Variants in C9orf78 observed in about 807,000 individuals in gnomAD.
The protein encoded by C9orf78 is chromosome 9 open reading frame 78.
C9orf78 carries 19 observed loss-of-function variants against 37.4 expected under a neutral mutation model. That is an observed-to-expected ratio of 0.51 (90% CI 0.35 to 0.74). The LOEUF (loss-of-function observed/expected upper bound fraction) is 0.74. Ranked by LOEUF, C9orf78 falls within the 30% of genes least tolerant of loss-of-function variation. C9orf78 has a pLI of 0.01. For missense variants in C9orf78, 291 were observed against 370.8 expected, an observed-to-expected ratio of 0.78 and a Z score of 1.77; for synonymous variants, 130 against 128.0, an observed-to-expected ratio of 1.02 and a Z score of -0.10.
chr9:129,831,787 C>T lies in C9orf78; in HGVS notation c.344+109G>A, dbSNP rs2031504020. 4.0e-6 allele frequency: 3 copies of T among 748,454 alleles called. No individual in the cohort carries two copies. In the Admixed American group the frequency reaches 5.4e-5, roughly 13 times the overall value. 46.4% of individuals were successfully genotyped at this position (748,454 alleles called of 1,614,324 possible). On this transcript the variant is annotated intron_variant, in intron 5 of 8. Coordinates refer to ENST00000372447, the MANE Select transcript of C9orf78 (RefSeq NM_016520.3). ...TGGGAAGTAGAAAGAGAGGGGCCAA[C>T]TTTGACATCTTCTAGAAAATTCTAG...
chr9:129,833,214 G>A (rs1355472670), intron 4 of C9orf78, among the ~76,000 whole-genome samples: 1 of 151,480 alleles, frequency 6.6e-6, no homozygotes, highest in East Asian at 1.9e-4. Flanking sequence ...ATAGGCATGA[G>A]TCATCACGCC....
Position 129,828,054 on chromosome 9 carries a change from A to G in C9orf78, c.*107T>C. The G allele has an allele frequency of 1.6e-6, 1 of 630,420 alleles. No individual in the cohort carries two copies. The highest frequency in any genetic ancestry group is 1.5e-5 in the South Asian group (1 of 68,754). The allele number at this position is 630,420 out of a possible 1,614,324, so 39.1% of individuals were successfully genotyped here. ...GTGATCCGCCCACCTCGGCCTCCCA[A>G]AGTGCTGGGATTACAGGCAGGAGCC... On this transcript the variant is annotated 3_prime_UTR_variant, in exon 9 of 9. Coordinates refer to ENST00000372447, the MANE Select transcript of C9orf78 (RefSeq NM_016520.3).
intron 6 of C9orf78, chr9:129,830,084 A>G (rs1326066378): frequency 6.5e-6 from 1 of 152,728 alleles, no homozygotes; most frequent in African/African-American, 2.4e-5. Flanking sequence ...AACTTCTAGC[A>G]ACAACCTGCC....
intron 2 of C9orf78, chr9:129,834,445 T>A (rs145303095): frequency 1.5e-5 from 7 of 462,504 alleles, no homozygotes; most frequent in Non-Finnish European, 2.7e-5. Flanking sequence ...TCGATATGCA[T>A]TTCACAATTA....
intron 4 of C9orf78, among the ~76,000 whole-genome samples, chr9:129,832,495 G>A (rs151267204): frequency 0.012 from 1,822 of 152,274 alleles, 17 homozygotes; most frequent in Middle Eastern, 0.024. Context: ...CTGAAGTGCA[G>A]TGGCGCAATC....
chr9:129,829,564 C>A, intron 6 of C9orf78, 23 bp from the exon 7 acceptor site: 1 of 1,608,358 alleles, frequency 6.2e-7, no homozygotes, highest in Non-Finnish European at 8.5e-7. Flanking sequence ...AGAAACCACA[C>A]CACTTAGAAG....
In C9orf78 at chr9:129,828,313, C is replaced by T. The variant is rs911948884; in HGVS notation, c.779-61G>A. On this transcript the variant is annotated intron_variant, in intron 8 of 8. Coordinates refer to ENST00000372447, the MANE Select transcript of C9orf78 (RefSeq NM_016520.3). ...TGCTGGAACCCACTGCTAGACTTTA[C>T]TCCATGCAGGCAAAGACAACTGCCT... is the stretch of plus-strand genomic sequence containing the variant. 5 of 999,200 alleles carry T rather than the reference C, an allele frequency of 5.0e-6. No individual in the cohort carries two copies. In the African/African-American group the frequency reaches 7.9e-5, roughly 16 times the overall value. The allele number at this position is 999,200 out of a possible 1,614,324, so 61.9% of individuals were successfully genotyped here.
intron 2 of C9orf78, chr9:129,834,103 T>G (rs2031603124): frequency 4.3e-6 from 1 of 234,506 alleles, no homozygotes; most frequent in Non-Finnish European, 8.5e-6. Flanking sequence ...AATAGGGGAT[T>G]TGTTAACAAA....
chr9:129,834,880 A>G, intron 1 of C9orf78, 114 bp from the exon 2 acceptor site: 1 of 839,828 alleles, frequency 1.2e-6, no homozygotes, highest in South Asian at 1.5e-5. Context: ...CTACTGAGCC[A>G]CCAGCACAGT....
Position 129,829,212 on chromosome 9 carries a change from C to T in C9orf78, c.771G>A (p.Glu257=), listed in dbSNP as rs745707856. ...PLRVGDTEKP[E]PERSPPNRKR... ...GGCCTTTGTTGCACTCACGCTCAGG[C>T]TCTGGCTTCTCCGTGTCACCTACTC... The change falls in exon 8 of 9, where the codon GAG becomes GAA. Residue 257 remains glutamate (E), a synonymous_variant. Coordinates refer to ENST00000372447, the MANE Select transcript of C9orf78 (RefSeq NM_016520.3). 5.0e-6 allele frequency: 8 copies of T among 1,612,750 alleles called. No homozygotes were observed. In the East Asian group the frequency reaches 6.7e-5, roughly 13 times the overall value.
intron 1 of C9orf78, 60 bp downstream of exon 1, chr9:129,835,079 G>T (rs1323447155): frequency 3.1e-6 from 4 of 1,292,208 alleles, no homozygotes; most frequent in Non-Finnish European, 4.5e-6. Context: ...CGAGCCGGTG[G>T]TGAGTCCCCC....
At chr9:129,831,853 A>T (rs922571337) in intron 5 of C9orf78, 43 bp downstream of exon 5, 2 of 898,850 alleles carry the variant, frequency 2.2e-6, no homozygotes, top group African/African-American at 3.3e-5. Context: ...CTCTGACTGG[A>T]GTCCAGCCCC....
chr9:129,829,137 A>C (rs765483588), intron 8 of C9orf78, 68 bp downstream of exon 8: 159 of 1,113,318 alleles, frequency 1.4e-4, no homozygotes, highest in Non-Finnish European at 2.0e-4. Flanking sequence ...CCCCCGCTGC[A>C]TCCTGCCTCC....
chr9:129,832,579 C>CTTT (rs1564188453), intron 4 of C9orf78, among the ~76,000 whole-genome samples: 2 of 151,988 alleles, frequency 1.3e-5, no homozygotes, highest in African/African-American at 4.8e-5. Flanking sequence ...GCTGGGATTA[C>CTTT]GGGTGCCCAC....
At chr9:129,833,968 G>C (rs1455105270) in intron 2 of C9orf78, 3 of 461,760 alleles carry the variant, frequency 6.5e-6, no homozygotes, top group Non-Finnish European at 1.2e-5. Context: ...GCATTATCTT[G>C]GCCTGGAAAT....
chr9:129,833,590 C>A (rs760461482), intron 3 of C9orf78, 68 bp downstream of exon 3: 13 of 1,441,904 alleles, frequency 9.0e-6, no homozygotes, highest in Non-Finnish European at 1.2e-5. Flanking sequence ...TTGTGAAGCA[C>A]GCTCACTCAC....
intron 6 of C9orf78, chr9:129,830,480 T>C (rs983074431): frequency 5.9e-5 from 15 of 253,494 alleles, no homozygotes; most frequent in Non-Finnish European, 1.6e-5. Flanking sequence ...TATAGGCTTA[T>C]AGGCATCAGC....
rs2131016740 is a variant in C9orf78 at position 129,833,682 on chromosome 9, C to G, written c.171G>C (p.Lys57Asn). The G allele has an allele frequency of 6.2e-7, 1 of 1,612,240 alleles. No homozygotes were observed. The highest frequency in any genetic ancestry group is 1.3e-5 in the African/African-American group (1 of 74,838). Residue 57 changes from lysine to asparagine, a missense_variant, in exon 3 of 9, where the codon AAG becomes AAC. Coordinates refer to ENST00000372447, the MANE Select transcript of C9orf78 (RefSeq NM_016520.3). ...VSAVALLVGE[K>N]VQEETTLVDD... is the part of the protein sequence containing the mutation. ...CCACTAGAGTGGTCTCCTCTTGTAC[C>G]TTCTCTCCCACCAGCAAGGCCACAG...
rs1173364322 is a variant in C9orf78, at chr9:129,831,527, C to T, written c.344+369G>A. Reference sequence around the variant, plus strand: ...GCAAGCTCTGCCTCCCAGGTTCAAGCAATTCTCCTGCCTCAGCCTCCCGAG... The same window carrying T: ...GCAAGCTCTGCCTCCCAGGTTCAAGTAATTCTCCTGCCTCAGCCTCCCGAG... On this transcript the variant is annotated intron_variant, in intron 5 of 8. Transcript: ENST00000372447. 101 of 238,146 alleles carry T rather than the reference C, an allele frequency of 4.2e-4. 1 individual carries two copies. Among genetic ancestry groups the T allele is most frequent in the Non-Finnish European group, 1.7e-5 (2 of 120,730 alleles). The allele number at this position is 238,146 out of a possible 1,614,324, so 14.8% of individuals were successfully genotyped here.
Sources: gnomAD v4.1 joint callset for allele counts (sites outside exome capture counted in the v4.1 genomes callset) on GRCh38, gnomAD v4.1.1 for gene constraint, MANE v1.5 for transcripts, NCBI Gene and HGNC (gene_info 2026-07-23, HGNC 2026-07-21) for gene names.